The following NCAM2 variants were observed in gnomAD, a reference collection of about 807,000 sequenced individuals.
NCAM2 encodes the protein neural cell adhesion molecule 2.
In NCAM2, 30 loss-of-function variants were observed where a neutral mutation model predicts 98.1. The ratio of observed to expected loss-of-function variants is 0.31; its 90% CI spans 0.23 to 0.41. The LOEUF (loss-of-function observed/expected upper bound fraction) is 0.41, where lower values mean the gene tolerates loss of function less well. Among genes scored for constraint, NCAM2 ranks in the 10% least tolerant of loss-of-function variants. NCAM2 has a pLI of 1.00. For missense variants in NCAM2, 867 were observed against 1,005.8 expected, an observed-to-expected ratio of 0.86 and a Z score of 1.87; for synonymous variants, 368 against 342.4, an observed-to-expected ratio of 1.07 and a Z score of -0.83.
At chr21:21,182,683 T>C (rs1383364920) in intron 1 of NCAM2, among the ~76,000 whole-genome samples, 2 of 152,134 alleles carry the variant, frequency 1.3e-5, no homozygotes, top group Non-Finnish European at 2.9e-5. Flanking sequence ...TTATTTTAGC[T>C]CTTCAATTTA....
chr21:21,006,946 G>A (rs924148539), intron 1 of NCAM2, among the ~76,000 whole-genome samples: 2 of 152,154 alleles, frequency 1.3e-5, no homozygotes, highest in Non-Finnish European at 2.9e-5. Flanking sequence ...AACTATGCTA[G>A]TATTGTAATT....
chr21:21,442,879 T>G, intron 12 of NCAM2, among the ~76,000 whole-genome samples: 1 of 152,274 alleles, frequency 6.6e-6, no homozygotes, highest in East Asian at 1.9e-4. Flanking sequence ...GAAATATTTT[T>G]TAAGGGGAGA....
At chr21:21,087,478 T>G (rs2065927248) in intron 1 of NCAM2, among the ~76,000 whole-genome samples, 1 of 152,184 alleles carries the variant, frequency 6.6e-6, no homozygotes, top group South Asian at 2.1e-4. Flanking sequence ...GATAACCTGT[T>G]CTCCTATTGG....
intron 15 of NCAM2, among the ~76,000 whole-genome samples, chr21:21,495,843 T>C (rs75408508): frequency 0.026 from 4,018 of 151,888 alleles, 91 homozygotes; most frequent in Non-Finnish European, 0.045. Context: ...TCCTTGACCA[T>C]TGGTCACTAA....
At chr21:21,027,225 C>T (rs114631821) in intron 1 of NCAM2, among the ~76,000 whole-genome samples, 7,579 of 152,192 alleles carry the variant, frequency 0.05, 390 homozygotes, top group African/African-American at 0.13. Context: ...ATTTATTTGA[C>T]CCAGGCTATC....
intron 8 of NCAM2, among the ~76,000 whole-genome samples, chr21:21,351,648 G>C (rs1433330392): frequency 6.6e-6 from 1 of 152,076 alleles, no homozygotes; most frequent in African/African-American, 2.4e-5. Context: ...TATGTTCAAA[G>C]TGTTTTAACA....
chr21:21,080,958 C>T (rs988811846), intron 1 of NCAM2, among the ~76,000 whole-genome samples: 3 of 152,074 alleles, frequency 2.0e-5, no homozygotes, highest in Admixed American at 2.0e-4. Flanking sequence ...GTAAATTACA[C>T]TTAGAAGAGG....
chr21:21,374,150 T>A (rs2148054465), intron 9 of NCAM2, 137 bp downstream of exon 9: 1 of 729,330 alleles, frequency 1.4e-6, no homozygotes, highest in Non-Finnish European at 2.1e-6. Flanking sequence ...AATATAGGAA[T>A]CATTCAGTCA....
rs1355282311 is a variant in NCAM2 at position 21,509,040 on chromosome 21, G to A, written c.2267G>A (p.Gly756Glu). Residue 756 changes from glycine to glutamate, a missense_variant, in exon 16 of 18, where the codon GGA becomes GAA. This residue lies in a region of NCAM2 where 125 missense variants were observed against 116.1 expected (regional missense o/e 1.08). Transcript: ENST00000400546. ...GGCAAAAGTAAAGAACTCGAAGAAG[G>A]AAAAGCTGCATACCTGTGAGTATCA... ...SSGKSKELEEGKAAYLKDGSK... is the reference protein window; with the variant it reads ...SSGKSKELEEEKAAYLKDGSK... The A allele has an allele frequency of 1.2e-5, 20 of 1,613,392 alleles. No homozygotes were observed. Among genetic ancestry groups the A allele is most frequent in the Non-Finnish European group, 1.7e-5 (20 of 1,179,730 alleles).
intron 1 of NCAM2, among the ~76,000 whole-genome samples, chr21:21,001,148 T>G (rs992981921): frequency 6.6e-6 from 1 of 152,190 alleles, no homozygotes; most frequent in Admixed American, 6.5e-5. Context: ...TCAAAACGTT[T>G]TGAACTGAAG....
intron 11 of NCAM2, among the ~76,000 whole-genome samples, chr21:21,424,211 A>C (rs2145983943): frequency 6.6e-6 from 1 of 152,308 alleles, no homozygotes; most frequent in Admixed American, 6.5e-5. Flanking sequence ...TATTGCTATG[A>C]AGGAAAGGAA....
At chr21:21,093,290 C>A (rs912005625) in intron 1 of NCAM2, among the ~76,000 whole-genome samples, 1 of 151,928 alleles carries the variant, frequency 6.6e-6, no homozygotes, top group African/African-American at 2.4e-5. Context: ...GGGAACTGTC[C>A]CTTTATCTTG....
At chr21:21,127,309 TAA>T (rs1330059644) in intron 1 of NCAM2, among the ~76,000 whole-genome samples, 1 of 151,974 alleles carries the variant, frequency 6.6e-6, no homozygotes, top group Non-Finnish European at 1.5e-5. Context: ...GTATAGTCAA[TAA>T]ATTTATTTAT....
At chr21:21,425,205 G>A (rs2077190508) in intron 11 of NCAM2, among the ~76,000 whole-genome samples, 1 of 151,586 alleles carries the variant, frequency 6.6e-6, no homozygotes. Context: ...AGAATAAAAT[G>A]TACGTATGTA....
At chr21:21,391,546 G>C (rs2076380589) in intron 9 of NCAM2, among the ~76,000 whole-genome samples, 1 of 152,036 alleles carries the variant, frequency 6.6e-6, no homozygotes, top group Non-Finnish European at 1.5e-5. Flanking sequence ...TAATTAATCT[G>C]AATCAAATGT....
At chr21:21,431,046 CAAAAAAAAA>C (rs34613152) in intron 11 of NCAM2, among the ~76,000 whole-genome samples, 7 of 64,060 alleles carry the variant, frequency 1.1e-4, no homozygotes, top group South Asian at 6.5e-4. Flanking sequence ...AACTCCGTCT[CAAAAAAAAA>C]AAAAAAAAAA....
chr21:21,427,835 TG>T, intron 11 of NCAM2, among the ~76,000 whole-genome samples: 1 of 152,160 alleles, frequency 6.6e-6, no homozygotes. Context: ...TACAAAAGTA[TG>T]TAATAGAAGG....
intron 1 of NCAM2, among the ~76,000 whole-genome samples, chr21:21,258,295 G>A (rs1690821191): frequency 6.6e-6 from 1 of 152,136 alleles, no homozygotes; most frequent in South Asian, 2.1e-4. Context: ...CAAGATGGCT[G>A]ACTAGGAACA....
At chr21:21,397,377 C>G (rs1457625857) in intron 9 of NCAM2, among the ~76,000 whole-genome samples, 1 of 152,296 alleles carries the variant, frequency 6.6e-6, no homozygotes, top group East Asian at 1.9e-4. Context: ...CCAGGCTGTT[C>G]ATGCCAAGGG....
Sources: gnomAD v4.1 joint callset for allele counts (sites outside exome capture counted in the v4.1 genomes callset) on GRCh38, gnomAD v4.1.1 for gene constraint, gnomAD v4.1.1 regional missense constraint, MANE v1.5 for transcripts, NCBI Gene and HGNC (gene_info 2026-07-23, HGNC 2026-07-21) for gene names.